The following AFF2 variants were observed in gnomAD, a reference collection of about 807,000 sequenced individuals.
AFF2 encodes ALF transcription elongation factor 2.
A neutral mutation model predicts 76.9 loss-of-function variants in AFF2; 14 were observed. The observed-to-expected ratio is 0.18, with a 90% CI of 0.12 to 0.28. AFF2 has a LOEUF of 0.28. Ranked by LOEUF, AFF2 falls within the 10% of genes least tolerant of loss-of-function variation. AFF2 has a pLI of 1.00. For missense variants in AFF2, 868 were observed against 1,001.1 expected (o/e 0.87, Z 1.79); for synonymous variants, 398 against 366.7 (o/e 1.09, Z -0.98).
chrX:148,589,956 G>A (rs781910409), intron 1 of AFF2, among the ~76,000 whole-genome samples: 128 of 104,565 alleles, frequency 1.2e-3, no homozygotes, highest in African/African-American at 3.6e-3. Flanking sequence ...GTCAAATGCC[G>A]TAGCAGTGTT....
Position 148,966,860 on chromosome X carries a change from C to T in AFF2, c.2984C>T (p.Thr995Ile), listed in dbSNP as rs782340464. Residue 995 changes from threonine (T) to isoleucine (I), a missense_variant, in exon 14 of 21, where the codon ACT becomes ATT. Physicochemically the swap from Thr to Ile is moderately conservative, Grantham distance 89. Around this residue, in one of 6 missense-constraint regions of AFF2, gnomAD observed 532 missense variants for 564.2 expected, o/e 0.94. Transcript: ENST00000370460. ...ACCAATACTGCTATTGCCACTGCTACTGTCACTGCTACTGCCATTGTCACC... is the reference window on the plus strand; with the variant it reads ...ACCAATACTGCTATTGCCACTGCTATTGTCACTGCTACTGCCATTGTCACC... ...TVTNTAIATA[T>I]VTATAIVTTT... The T allele has an allele frequency of 4.1e-6, 5 of 1,208,799 alleles. No homozygotes were observed. The highest frequency in any genetic ancestry group is 1.8e-5 in the African/African-American group (1 of 56,762).
At chrX:148,790,668 A>T (rs1445275866) in intron 3 of AFF2, among the ~76,000 whole-genome samples, 10 of 106,103 alleles carry the variant, frequency 9.4e-5, no homozygotes, top group African/African-American at 3.4e-4. Flanking sequence ...GAGGGGAACA[A>T]CACTCACTGG....
At chrX:148,600,024 G>A (rs1487509283) in intron 1 of AFF2, among the ~76,000 whole-genome samples, 1 of 111,995 alleles carries the variant, frequency 8.9e-6, no homozygotes, top group African/African-American at 3.3e-5. Context: ...ATGATGACAG[G>A]TGAAAAAATT....
Position 148,792,072 on chromosome X carries a change from T to C in AFF2, c.1042-17804T>C, listed in dbSNP as rs782587775. 6.3e-5 allele frequency among the ~76,000 whole-genome samples: 7 copies of C among 111,097 alleles called. No individual in the cohort carries two copies. The East Asian group carries it at 1.7e-3, about 27-fold the overall frequency. ...TTTGTACAGTGATTAAGAACATGGG[T>C]TTGAAGTCTTACAGACATGGTTTTG... On this transcript the variant is annotated intron_variant, in intron 3 of 20. Coordinates refer to ENST00000370460, the MANE Select transcript of AFF2 (RefSeq NM_002025.4).
At chrX:148,894,934 C>T (rs782004579) in intron 8 of AFF2, among the ~76,000 whole-genome samples, 1 of 110,554 alleles carries the variant, frequency 9.0e-6, no homozygotes, top group Admixed American at 9.6e-5. Flanking sequence ...TACTATTTAG[C>T]CATAAAAGAG....
intron 3 of AFF2, among the ~76,000 whole-genome samples, chrX:148,791,029 T>G (rs1603301313): frequency 9.0e-6 from 1 of 111,594 alleles, no homozygotes; most frequent in Middle Eastern, 4.6e-3. Flanking sequence ...TTTTGAAAAA[T>G]TAAGCTTTAA....
intron 1 of AFF2, among the ~76,000 whole-genome samples, chrX:148,620,898 G>A (rs1369389122): frequency 1.8e-5 from 2 of 111,682 alleles, no homozygotes; most frequent in African/African-American, 3.2e-5. Flanking sequence ...CTATTTTCTG[G>A]TCTGCCCTTT....
chrX:148,559,579 C>T (rs1557240179), intron 1 of AFF2, among the ~76,000 whole-genome samples: 1 of 111,392 alleles, frequency 9.0e-6, no homozygotes, highest in East Asian at 2.8e-4. Flanking sequence ...CCAGCGTCAT[C>T]CATGTCCCTG....
At chrX:148,820,856 A>G in intron 4 of AFF2, among the ~76,000 whole-genome samples, 1 of 112,203 alleles carries the variant, frequency 8.9e-6, no homozygotes, top group Middle Eastern at 4.6e-3. Context: ...TGCACTTAGC[A>G]AAGAGTAACC....
At chrX:148,651,393 C>T (rs1557256318) in intron 1 of AFF2, among the ~76,000 whole-genome samples, 1 of 112,162 alleles carries the variant, frequency 8.9e-6, no homozygotes, top group Non-Finnish European at 1.9e-5. Flanking sequence ...GGCTTCCATT[C>T]ACTTTTGAAG....
At chrX:148,689,150 C>G (rs1470596866) in intron 3 of AFF2, among the ~76,000 whole-genome samples, 1 of 111,793 alleles carries the variant, frequency 8.9e-6, no homozygotes. Context: ...AGGTTGCCAT[C>G]TTCTTTCTGT....
intron 4 of AFF2, among the ~76,000 whole-genome samples, chrX:148,827,081 G>C (rs983782375): frequency 9.0e-6 from 1 of 111,386 alleles, no homozygotes; most frequent in African/African-American, 3.3e-5. Context: ...CTGGCACTGT[G>C]ATTCTAAGAT....
intron 1 of AFF2, among the ~76,000 whole-genome samples, chrX:148,641,810 T>A (rs1178509310): frequency 8.9e-6 from 1 of 111,874 alleles, no homozygotes; most frequent in Non-Finnish European, 1.9e-5. Context: ...CACATAGAGT[T>A]CTCTCTGGGT....
chrX:148,945,732 A>G (rs1569557364), intron 9 of AFF2, among the ~76,000 whole-genome samples: 2 of 112,366 alleles, frequency 1.8e-5, no homozygotes, highest in Admixed American at 9.4e-5. Flanking sequence ...CCTATGTGAT[A>G]TATTATCCCC....
chrX:148,711,885 A>G (rs782682219), intron 3 of AFF2, among the ~76,000 whole-genome samples: 3 of 111,791 alleles, frequency 2.7e-5, no homozygotes, highest in Non-Finnish European at 5.6e-5. Context: ...TTTTCTTCTG[A>G]ATATTTTGTG....
At chrX:148,898,571 G>T (rs1435296719) in intron 8 of AFF2, among the ~76,000 whole-genome samples, 1 of 111,818 alleles carries the variant, frequency 8.9e-6, no homozygotes, top group African/African-American at 3.2e-5. Context: ...CCCTGTGAAT[G>T]CTGCTCCAGA....
At chrX:148,570,796 C>T (rs1164574422) in intron 1 of AFF2, among the ~76,000 whole-genome samples, 2 of 111,292 alleles carry the variant, frequency 1.8e-5, no homozygotes, top group Middle Eastern at 4.6e-3. Context: ...TTCTGGTAAC[C>T]GCATCCGTTC....
intron 1 of AFF2, among the ~76,000 whole-genome samples, chrX:148,505,614 TGCCA>T (rs1569550446): frequency 1.8e-5 from 2 of 111,308 alleles, no homozygotes; most frequent in Non-Finnish European, 3.8e-5. Flanking sequence ...AAGATTATTT[TGCCA>T]TGCAAAATTT....
At chrX:148,807,779 TAGA>T (rs1330158324) in intron 3 of AFF2, among the ~76,000 whole-genome samples, 1 of 112,556 alleles carries the variant, frequency 8.9e-6, no homozygotes, top group Non-Finnish European at 1.9e-5. Context: ...ATGTATTTGT[TAGA>T]AGTTCAAGAA....
Sources: allele counts gnomAD v4.1 joint callset (sites outside exome capture counted in the v4.1 genomes callset), GRCh38; gene constraint gnomAD v4.1.1; regional missense constraint gnomAD v4.1.1; transcripts MANE v1.5; gene names NCBI Gene and HGNC (gene_info 2026-07-23, HGNC 2026-07-21).